UNC5C: variants seen among roughly 807,000 people sequenced by gnomAD.
UNC5C encodes the protein netrin receptor UNC5C.
A neutral mutation model predicts 99.8 loss-of-function variants in UNC5C; 47 were observed. The observed-to-expected ratio is 0.47, with a 90% confidence interval of 0.37 to 0.60. The LOEUF is 0.60. UNC5C is among the 20% of genes least tolerant of loss of function. The probability of loss-of-function intolerance (pLI) is 0.00; values close to 1 mark genes in which losing one functional copy is unlikely to be tolerated. For synonymous variants in UNC5C, 487 were observed against 452.2 expected (o/e 1.08, Z -0.98); for missense variants, 1,062 against 1,165.9 (o/e 0.91, Z 1.30).
chr4:95,535,200 A>C (rs1161489214), intron 1 of UNC5C, among the ~76,000 whole-genome samples: 1 of 152,182 alleles, frequency 6.6e-6, no homozygotes, highest in Non-Finnish European at 1.5e-5. Context: ...TGACTTTCCA[A>C]AGAGTTTTAC....
chr4:95,527,768 T>C (rs1446299332), intron 1 of UNC5C, among the ~76,000 whole-genome samples: 2 of 152,148 alleles, frequency 1.3e-5, no homozygotes, highest in Non-Finnish European at 2.9e-5. Flanking sequence ...ATCTAGAATA[T>C]GAAGTTTCTT....
intron 1 of UNC5C, among the ~76,000 whole-genome samples, chr4:95,387,983 C>T (rs991701532): frequency 1.2e-4 from 19 of 152,248 alleles, no homozygotes; most frequent in African/African-American, 4.3e-4. Flanking sequence ...GGATATTTTT[C>T]ATATTCAATG....
At chr4:95,201,889 C>G (rs184053075) in intron 12 of UNC5C, among the ~76,000 whole-genome samples, 2 of 152,314 alleles carry the variant, frequency 1.3e-5, no homozygotes, top group East Asian at 1.9e-4. Context: ...CAGGCGTGAG[C>G]CACCACACCC....
At chr4:95,524,652 T>C (rs925488861) in intron 1 of UNC5C, among the ~76,000 whole-genome samples, 1 of 152,182 alleles carries the variant, frequency 6.6e-6, no homozygotes, top group Admixed American at 6.5e-5. Flanking sequence ...GCAGAATCTG[T>C]TGTACTACAT....
intron 1 of UNC5C, among the ~76,000 whole-genome samples, chr4:95,440,723 G>C (rs1312325035): frequency 1.3e-5 from 2 of 152,042 alleles, no homozygotes; most frequent in African/African-American, 2.4e-5. Context: ...AAGATTCCTG[G>C]AGTGCTTGAA....
chr4:95,216,405 T>A (rs1738252721), intron 9 of UNC5C, among the ~76,000 whole-genome samples, 194 bp from the exon 10 acceptor site: 1 of 152,154 alleles, frequency 6.6e-6, no homozygotes, highest in Non-Finnish European at 1.5e-5. Context: ...TGCAATTACT[T>A]AAAGGAATGA....
At chr4:95,229,719 G>A (rs1224937914) in intron 7 of UNC5C, among the ~76,000 whole-genome samples, 1 of 149,736 alleles carries the variant, frequency 6.7e-6, no homozygotes, top group African/African-American at 2.5e-5. Context: ...TTCCACAATG[G>A]TTGAACTAAT....
chr4:95,482,337 G>A (rs1032578090), intron 1 of UNC5C, among the ~76,000 whole-genome samples: 2 of 152,024 alleles, frequency 1.3e-5, no homozygotes, highest in Admixed American at 6.6e-5. Context: ...TAGAATGGCA[G>A]TCATTAAAAA....
rs1735865485 is a variant in UNC5C at position 95,166,597 on chromosome 4, T to C, written c.*2637A>G. ...CAAAATAAGTTTTTAGTAACAGTTA[T>C]GGAATTGATTCATGTTCATAGCTAC... On this transcript the variant is annotated 3_prime_UTR_variant, in exon 16 of 16. Transcript: ENST00000453304. The C allele has an allele frequency of 6.6e-6, 1 of 152,228 alleles. No individual in the cohort carries two copies. Among genetic ancestry groups the C allele is most frequent in the Non-Finnish European group, 1.5e-5 (1 of 68,038 alleles). The allele number at this position is 152,228 out of a possible 1,614,324, so 9.4% of individuals were successfully genotyped here.
chr4:95,482,279 C>A (rs1721180847), intron 1 of UNC5C, among the ~76,000 whole-genome samples: 2 of 151,806 alleles, frequency 1.3e-5, no homozygotes, highest in South Asian at 4.2e-4. Flanking sequence ...CACTGGCCAT[C>A]AGAGAAATGC....
At chr4:95,391,499 T>G (rs970073815) in intron 1 of UNC5C, among the ~76,000 whole-genome samples, 1 of 152,206 alleles carries the variant, frequency 6.6e-6, no homozygotes, top group Non-Finnish European at 1.5e-5. Flanking sequence ...TTTTCATGTA[T>G]TAAATCATTT....
At chr4:95,528,779 C>G (rs1043440429) in intron 1 of UNC5C, among the ~76,000 whole-genome samples, 1 of 151,992 alleles carries the variant, frequency 6.6e-6, no homozygotes, top group Non-Finnish European at 1.5e-5. Flanking sequence ...AAAGGAGAGG[C>G]CCCAGGGAAG....
chr4:95,181,113 G>T (rs1736594570), intron 14 of UNC5C, among the ~76,000 whole-genome samples: 1 of 152,120 alleles, frequency 6.6e-6, no homozygotes, highest in Admixed American at 6.5e-5. Flanking sequence ...GCCGCAGAGT[G>T]CCCCTTAATC....
chr4:95,271,783 T>C (rs1740676475), intron 4 of UNC5C, among the ~76,000 whole-genome samples: 1 of 152,214 alleles, frequency 6.6e-6, no homozygotes, highest in African/African-American at 2.4e-5. Context: ...AATGTCTCCA[T>C]TGGCTTTTCA....
At chr4:95,223,244 T>TA (rs1238199831) in intron 7 of UNC5C, among the ~76,000 whole-genome samples, 1 of 152,192 alleles carries the variant, frequency 6.6e-6, no homozygotes, top group Non-Finnish European at 1.5e-5. Flanking sequence ...TTCTCCAAGA[T>TA]TTACTATTCT....
chr4:95,214,485 TTC>T (rs1738179610), intron 10 of UNC5C, among the ~76,000 whole-genome samples: 2 of 152,236 alleles, frequency 1.3e-5, no homozygotes, highest in Admixed American at 1.3e-4. Context: ...TTTATCAATT[TTC>T]TGTTTTCTCT....
chr4:95,527,525 C>T (rs1026524958), intron 1 of UNC5C, among the ~76,000 whole-genome samples: 9 of 152,044 alleles, frequency 5.9e-5, no homozygotes, highest in African/African-American at 2.2e-4. Context: ...CGTCTTTCCT[C>T]ATGGTCTTTA....
intron 14 of UNC5C, among the ~76,000 whole-genome samples, chr4:95,176,272 T>TC (rs1233414772): frequency 1.3e-5 from 2 of 152,262 alleles, no homozygotes; most frequent in Non-Finnish European, 2.9e-5. Context: ...CCAGCTTTGT[T>TC]CCATTGCTGG....
intron 3 of UNC5C, among the ~76,000 whole-genome samples, chr4:95,296,037 G>T (rs558369615): frequency 6.6e-6 from 1 of 152,170 alleles, no homozygotes; most frequent in Non-Finnish European, 1.5e-5. Flanking sequence ...GCAATGAGCC[G>T]AGATTGTGCT....
Sources: allele counts gnomAD v4.1 joint callset (sites outside exome capture counted in the v4.1 genomes callset), GRCh38; gene constraint gnomAD v4.1.1; transcripts MANE v1.5; gene names NCBI Gene and HGNC (gene_info 2026-07-23, HGNC 2026-07-21).